RGS5: variants seen among roughly 807,000 people sequenced by gnomAD.
RGS5 encodes the protein regulator of G protein signaling 5.
In RGS5, 20 loss-of-function variants were observed where a neutral mutation model predicts 18.9. The observed-to-expected ratio is 1.06, with a 90% CI of 0.74 to 1.54. RGS5 has a LOEUF of 1.54. Among genes scored for constraint, RGS5 ranks in the 40% most tolerant of loss-of-function variants. The probability of loss-of-function intolerance (pLI) is 0.00; values close to 1 mark genes in which losing one functional copy is unlikely to be tolerated. For missense variants in RGS5, 201 were observed against 211.8 expected (o/e 0.95, Z 0.32); for synonymous variants, 57 against 76.2 (o/e 0.75, Z 1.31).
At chr1:163,252,388 T>A (rs1021994264) in intron 2 of RGS5, among the ~76,000 whole-genome samples, 5 of 152,192 alleles carry the variant, frequency 3.3e-5, no homozygotes, top group Non-Finnish European at 7.4e-5. Context: ...TGTTCTTTCA[T>A]CCTCTTTACA....
chr1:163,162,236 G>T (rs78209786), intron 2 of RGS5, among the ~76,000 whole-genome samples: 1 of 152,054 alleles, frequency 6.6e-6, no homozygotes, highest in Non-Finnish European at 1.5e-5. Flanking sequence ...AGTAGAGTTC[G>T]TTTGACATTA....
intron 1 of RGS5, among the ~76,000 whole-genome samples, chr1:163,174,449 A>C (rs1194330171): frequency 1.3e-5 from 2 of 152,208 alleles, no homozygotes; most frequent in African/African-American, 4.8e-5. Context: ...GGTTATAGTA[A>C]AGCTGCATTT....
chr1:163,240,676 C>G (rs1647768499), intron 2 of RGS5, among the ~76,000 whole-genome samples: 1 of 152,094 alleles, frequency 6.6e-6, no homozygotes, highest in Admixed American at 6.5e-5. Context: ...GCCACAGCAC[C>G]TGGCTAATTT....
In RGS5 at chr1:163,161,893, AAAAC is replaced by A. The variant is rs745575212; in HGVS notation, c.217+18_217+21del. On this transcript the variant is annotated intron_variant, in intron 3 of 4. Coordinates refer to ENST00000313961, the MANE Select transcript of RGS5 (RefSeq NM_003617.4). Reference sequence around the variant, plus strand: ...GTCTCTAACCTGACCTTTATTTAAAAAAACAAACAATGGAAACTTACAGTTGTTC... The same window carrying A: ...GTCTCTAACCTGACCTTTATTTAAAAAAACAATGGAAACTTACAGTTGTTC... 4 of 1,604,344 alleles carry A rather than the reference AAAAC, an allele frequency of 2.5e-6. No individual in the cohort carries two copies. The African/African-American group carries it at 5.4e-5, about 21-fold the overall frequency.
upstream of RGS5, among the ~76,000 whole-genome samples, chr1:163,220,837 G>C (rs1166583900): frequency 1.3e-5 from 2 of 152,114 alleles, no homozygotes; most frequent in East Asian, 3.9e-4. Flanking sequence ...AGGAGAAGGA[G>C]ATCTGATGAT....
intron 1 of RGS5, chr1:163,319,286 T>C (rs1301090265): frequency 6.6e-6 from 1 of 152,216 alleles, no homozygotes; most frequent in African/African-American, 2.4e-5. Flanking sequence ...GAATTTAAAG[T>C]GCAGTCTAGA....
At position 163,272,993 on chromosome 1, in the gene RGS5, G is replaced by T. The variant is rs191965332; in HGVS notation, c.-281+33240C>A. On this transcript the variant is annotated intron_variant, in intron 2 of 5. Transcript: ENST00000618415. ...TGATTTCTTTTTTGAATCATGAGGG[G>T]TTTTTTTCATAAGTATGTCATTTGA... Among the ~76,000 whole-genome samples, 321 of 151,788 alleles carry T rather than the reference G, an allele frequency of 2.1e-3. 5 individuals are homozygous for T. The highest frequency in any genetic ancestry group is 0.019 in the Admixed American group (296 of 15,234).
At chr1:163,164,091 T>C (rs1183721488) in intron 2 of RGS5, among the ~76,000 whole-genome samples, 1 of 152,232 alleles carries the variant, frequency 6.6e-6, no homozygotes, top group South Asian at 2.1e-4. Context: ...TTGGTCCAAA[T>C]TGATTTAAGG....
rs774849755 is a variant in RGS5 at position 163,309,077 on chromosome 1, TA to T, written c.-377-2749del. Among the ~76,000 whole-genome samples the T allele has an allele frequency of 3.9e-3, 584 of 150,230 alleles. 7 individuals carry two copies. Among genetic ancestry groups the T allele is most frequent in the Non-Finnish European group, 6.8e-3 (460 of 67,222 alleles). ...AGGGTGATGACTGATAGGCTGGGTG[TA>T]GTGGTTCATGCCTGTAATCCCAGCA... On this transcript the variant is annotated intron_variant, in intron 1 of 5. Coordinates refer to the RGS5 transcript ENST00000618415.
chr1:163,147,066 G>T lies in RGS5; in HGVS notation c.*276C>A. On this transcript the variant is annotated 3_prime_UTR_variant, in exon 5 of 5. Coordinates refer to ENST00000313961, the MANE Select transcript of RGS5 (RefSeq NM_003617.4). ...TCTTATATTTCTTTGCCTTAGGCAG[G>T]ATTTTTCTGTGATTCTGATTGTGTC... 1 of 274,870 alleles carries T rather than the reference G, an allele frequency of 3.6e-6. No individual in the cohort carries two copies. The highest frequency in any genetic ancestry group is 6.8e-6 in the Non-Finnish European group (1 of 148,096). 17.0% of individuals were successfully genotyped at this position (274,870 alleles called of 1,614,324 possible). A position where few individuals can be genotyped will look rare whatever the true frequency, so the allele number is the denominator to read the frequency against.
chr1:163,261,055 C>T (rs1648421712), intron 2 of RGS5, among the ~76,000 whole-genome samples: 1 of 152,086 alleles, frequency 6.6e-6, no homozygotes, highest in Non-Finnish European at 1.5e-5. Context: ...AAATCTGAGG[C>T]CTCAAATTCA....
upstream of RGS5, among the ~76,000 whole-genome samples, chr1:163,205,896 G>A (rs1255816739): frequency 1.3e-5 from 2 of 151,914 alleles, no homozygotes; most frequent in African/African-American, 4.8e-5. Flanking sequence ...TTCTAATTTG[G>A]GGACCTCTTG....
At chr1:163,160,976 C>T (rs1449399532) in intron 3 of RGS5, among the ~76,000 whole-genome samples, 1 of 152,102 alleles carries the variant, frequency 6.6e-6, no homozygotes, top group Non-Finnish European at 1.5e-5. Flanking sequence ...AGTGAGCCAA[C>T]TATGAACAGA....
At position 163,299,082 on chromosome 1, in the gene RGS5, G is replaced by A. The variant is rs140360671; in HGVS notation, c.-281+7151C>T. Among the ~76,000 whole-genome samples, 150 of 152,236 alleles carry A rather than the reference G, an allele frequency of 9.9e-4. 2 individuals are homozygous for A. In the East Asian group the frequency reaches 0.024, roughly 24 times the overall value. On this transcript the variant is annotated intron_variant, in intron 2 of 5. Transcript: ENST00000618415. ...TTGTTAAGCCAGTAGTATGTTGGGG[G>A]TAGGCACTGCAGAGATGAGAAAAGG... is the stretch of plus-strand genomic sequence containing the variant.
At chr1:163,226,689 T>C in intron 2 of RGS5, among the ~76,000 whole-genome samples, 1 of 152,224 alleles carries the variant, frequency 6.6e-6, no homozygotes, top group East Asian at 1.9e-4. Flanking sequence ...ACTAGAGAAT[T>C]ATCTTTTCTA....
intron 1 of RGS5, among the ~76,000 whole-genome samples, chr1:163,209,276 A>G (rs975424779): frequency 2.6e-5 from 4 of 152,182 alleles, no homozygotes; most frequent in Admixed American, 2.6e-4. Flanking sequence ...CTTTTCCACC[A>G]GTATATTTGT....
intron 2 of RGS5, among the ~76,000 whole-genome samples, chr1:163,235,107 T>G (rs1647589542): frequency 6.6e-6 from 1 of 152,204 alleles, no homozygotes; most frequent in East Asian, 1.9e-4. Flanking sequence ...GCGGAGTTGT[T>G]GCAGCCATCT....
chr1:163,158,736 G>A (rs965120818), intron 3 of RGS5, among the ~76,000 whole-genome samples: 1 of 152,088 alleles, frequency 6.6e-6, no homozygotes, highest in Non-Finnish European at 1.5e-5. Flanking sequence ...GGACCGGGGT[G>A]AAATTAAAAT....
At chr1:163,176,451 G>A (rs547063995) in intron 1 of RGS5, among the ~76,000 whole-genome samples, 10 of 152,144 alleles carry the variant, frequency 6.6e-5, no homozygotes, top group East Asian at 5.8e-4. Context: ...GTGAAACCCC[G>A]TCTCTACTAA....
Sources: allele counts gnomAD v4.1 joint callset (sites outside exome capture counted in the v4.1 genomes callset), GRCh38; gene constraint gnomAD v4.1.1; transcripts MANE v1.5; gene names NCBI Gene and HGNC (gene_info 2026-07-23, HGNC 2026-07-21).